Variants in DLC1 observed in about 807,000 individuals in gnomAD.
The protein encoded by DLC1 is rho GTPase-activating protein 7.
In DLC1, 54 loss-of-function variants were observed where a neutral mutation model predicts 140.3. The observed-to-expected ratio is 0.38, with a 90% confidence interval of 0.31 to 0.48. The LOEUF (loss-of-function observed/expected upper bound fraction) is 0.48, where lower values mean the gene tolerates loss of function less well. Among genes scored for constraint, DLC1 ranks in the 20% least tolerant of loss-of-function variants. DLC1 has a pLI of 0.96. For missense variants in DLC1, 2,536 were observed against 1,907.0 expected (o/e 1.33, Z -6.14); for synonymous variants, 986 against 728.1 (o/e 1.35, Z -5.70).
At chr8:13,233,122 C>T (rs1362622740) in intron 5 of DLC1, among the ~76,000 whole-genome samples, 2 of 151,628 alleles carry the variant, frequency 1.3e-5, no homozygotes, top group Non-Finnish European at 1.5e-5. Context: ...TGGCAAAATC[C>T]CATCTCTACT....
intron 1 of DLC1, chr8:13,558,185 A>G (rs1320427028): frequency 1.3e-5 from 2 of 152,172 alleles, no homozygotes; most frequent in African/African-American, 4.8e-5. Context: ...CAGGTGCTAT[A>G]TGTCTTGAGT....
intron 6 of DLC1, among the ~76,000 whole-genome samples, 153 bp from the exon 7 acceptor site, chr8:13,110,976 A>G (rs1723899402): frequency 6.6e-6 from 1 of 152,216 alleles, no homozygotes; most frequent in Admixed American, 6.5e-5. Flanking sequence ...ATGGGACTAT[A>G]AGGCAATTGA....
At chr8:13,217,102 G>A (rs1585930155) in intron 5 of DLC1, among the ~76,000 whole-genome samples, 1 of 152,202 alleles carries the variant, frequency 6.6e-6, no homozygotes, top group East Asian at 1.9e-4. Context: ...TTAATTTTGA[G>A]TTGTACAGTA....
intron 1 of DLC1, among the ~76,000 whole-genome samples, chr8:13,550,187 C>T (rs138358665): frequency 8.5e-5 from 13 of 152,146 alleles, no homozygotes; most frequent in African/African-American, 3.1e-4. Context: ...TTATGGGGGG[C>T]AGTTCCCCCA....
rs1199289927 is a variant in DLC1, at chr8:13,246,990, T to C, written c.1348+58279A>G. On this transcript the variant is annotated intron_variant, in intron 5 of 17. Coordinates refer to ENST00000276297, the MANE Select transcript of DLC1 (RefSeq NM_182643.3). Reference sequence around the variant, plus strand: ...GAGCAAAACCCAGACTGAGTGTCTCTCTTAAATACAGGCAGAAACAGACTC... The same window carrying C: ...GAGCAAAACCCAGACTGAGTGTCTCCCTTAAATACAGGCAGAAACAGACTC... Among the ~76,000 whole-genome samples, 5 of 152,104 alleles carry C rather than the reference T, an allele frequency of 3.3e-5. No individual in the cohort carries two copies. The East Asian group carries it at 7.7e-4, about 23-fold the overall frequency.
At chr8:13,218,903 C>T (rs60823959) in intron 5 of DLC1, among the ~76,000 whole-genome samples, 7 of 29,392 alleles carry the variant, frequency 2.4e-4, no homozygotes, top group African/African-American at 1.7e-3. Flanking sequence ...TATATAATTA[C>T]ATACGAATAT....
intron 4 of DLC1, among the ~76,000 whole-genome samples, chr8:13,392,132 C>A (rs948616847): frequency 6.6e-6 from 1 of 152,142 alleles, no homozygotes; most frequent in African/African-American, 2.4e-5. Flanking sequence ...TTTCAGTTTA[C>A]CCCGAAAGAT....
At chr8:13,517,184 C>G (rs1311863798), upstream of DLC1, among the ~76,000 whole-genome samples, 1 of 152,132 alleles carries the variant, frequency 6.6e-6, no homozygotes, top group African/African-American at 2.4e-5. Context: ...CTTGATATCT[C>G]TATCTCTGTC....
intron 5 of DLC1, among the ~76,000 whole-genome samples, chr8:13,164,763 A>G (rs1824980974): frequency 6.6e-6 from 1 of 152,160 alleles, no homozygotes; most frequent in African/African-American, 2.4e-5. Flanking sequence ...GCTTTCACAA[A>G]TGCTCTACCC....
intron 1 of DLC1, among the ~76,000 whole-genome samples, chr8:13,541,765 G>A (rs914934304): frequency 4.6e-5 from 7 of 152,122 alleles, no homozygotes; most frequent in African/African-American, 9.7e-5. Context: ...TGGCCAGGAT[G>A]ATCTCGATCT....
At chr8:13,331,280 C>T (rs533484475) in intron 4 of DLC1, among the ~76,000 whole-genome samples, 2 of 152,236 alleles carry the variant, frequency 1.3e-5, no homozygotes, top group South Asian at 4.2e-4. Context: ...TAGGAGTAAA[C>T]CTGGTATTCG....
intron 5 of DLC1, among the ~76,000 whole-genome samples, chr8:13,216,332 A>G (rs929069868): frequency 6.6e-6 from 1 of 152,194 alleles, no homozygotes; most frequent in African/African-American, 2.4e-5. Context: ...GAAAACTCAC[A>G]TGATTTGTTC....
chr8:13,090,216 T>G (rs757868303), intron 15 of DLC1, 36 bp downstream of exon 15: 1 of 1,594,478 alleles, frequency 6.3e-7, no homozygotes, highest in South Asian at 1.1e-5. Flanking sequence ...CTTCGACTCC[T>G]GGACTCAACT....
At chr8:13,532,391 T>C (rs1020638433) in intron 1 of DLC1, among the ~76,000 whole-genome samples, 4 of 152,226 alleles carry the variant, frequency 2.6e-5, no homozygotes, top group African/African-American at 9.6e-5. Flanking sequence ...TAAGGTGGGA[T>C]AAGAATAAGA....
At position 13,485,526 on chromosome 8, in the gene DLC1, T is replaced by C. The variant is rs181614124; in HGVS notation, c.1023+13523A>G. Among the ~76,000 whole-genome samples, 528 of 152,340 alleles carry C rather than the reference T, an allele frequency of 3.5e-3. 3 individuals are homozygous for C. The highest frequency in any genetic ancestry group is 0.012 in the African/African-American group (504 of 41,566). On this transcript the variant is annotated intron_variant, in intron 2 of 17. Coordinates refer to ENST00000276297, the MANE Select transcript of DLC1 (RefSeq NM_182643.3). ...CAGCCATGTTTTTAAAAGGGAATAC[T>C]GGAGGTGCAAATCTTGGGCAGCAGT...
chr8:13,439,241 T>C (rs753533450), intron 2 of DLC1, among the ~76,000 whole-genome samples: 1 of 152,146 alleles, frequency 6.6e-6, no homozygotes, highest in Non-Finnish European at 1.5e-5. Context: ...GGAGAATCGC[T>C]TGAACCCGGG....
chr8:13,188,817 ATATATATATG>A (rs1446179083), intron 5 of DLC1, among the ~76,000 whole-genome samples: 151 of 54,434 alleles, frequency 2.8e-3, no homozygotes, highest in African/African-American at 0.01. Flanking sequence ...ATATATATAT[ATATATATATG>A]TATATATATA....
At chr8:13,153,471 C>T (rs1823997980) in intron 5 of DLC1, among the ~76,000 whole-genome samples, 1 of 152,200 alleles carries the variant, frequency 6.6e-6, no homozygotes, top group Non-Finnish European at 1.5e-5. Flanking sequence ...CTTAAAAACA[C>T]CAAAGCTTCC....
chr8:13,539,241 C>A (rs897517386), intron 1 of DLC1, among the ~76,000 whole-genome samples: 1 of 151,806 alleles, frequency 6.6e-6, no homozygotes, highest in Non-Finnish European at 1.5e-5. Flanking sequence ...GCTCTGTTGC[C>A]CAGGCTGGAG....
Sources: allele counts gnomAD v4.1 joint callset (sites outside exome capture counted in the v4.1 genomes callset), GRCh38; gene constraint gnomAD v4.1.1; transcripts MANE v1.5; gene names NCBI Gene and HGNC (gene_info 2026-07-23, HGNC 2026-07-21).